The following PPP3CC variants were observed in gnomAD, a reference collection of about 807,000 sequenced individuals.
PPP3CC encodes serine/threonine-protein phosphatase 2B catalytic subunit gamma isoform.
A neutral mutation model predicts 60.3 loss-of-function variants in PPP3CC; 35 were observed. The observed-to-expected ratio is 0.58, with a 90% CI of 0.44 to 0.77. PPP3CC has a LOEUF of 0.77. Among genes scored for constraint, PPP3CC ranks in the 30% least tolerant of loss-of-function variants. PPP3CC has a pLI of 0.00. For synonymous variants in PPP3CC, 206 were observed against 224.3 expected, an observed-to-expected ratio of 0.92 and a Z score of 0.73; for missense variants, 570 against 628.9, an observed-to-expected ratio of 0.91 and a Z score of 1.00.
chr8:22,457,266 A>G lies in PPP3CC; in HGVS notation c.49+15808A>G, dbSNP rs964755897. ...TAGAGTGCTGCTGTAACAAACACCT[A>G]AAAGTGTGGAAGTGGCTTTGGAACT... On this transcript the variant is annotated intron_variant, in intron 1 of 13. Coordinates refer to ENST00000240139, the MANE Select transcript of PPP3CC (RefSeq NM_005605.5). Among the ~76,000 whole-genome samples the G allele has an allele frequency of 3.3e-5, 5 of 151,450 alleles. 1 individual carries two copies. The South Asian group carries it at 1.0e-3, about 32-fold the overall frequency.
chr8:22,518,887 A>G (rs904554744), intron 6 of PPP3CC, among the ~76,000 whole-genome samples: 5 of 152,158 alleles, frequency 3.3e-5, no homozygotes, highest in African/African-American at 1.2e-4. Flanking sequence ...GAGTTTCACC[A>G]TGTTGGCCAG....
intron 3 of PPP3CC, among the ~76,000 whole-genome samples, chr8:22,487,350 G>A (rs998703483): frequency 2.6e-5 from 4 of 152,100 alleles, no homozygotes; most frequent in Non-Finnish European, 4.4e-5. Context: ...CTGGCTGGGC[G>A]CCCTGGCTCA....
At chr8:22,489,734 TATAATAAG>T (rs1341304108) in intron 3 of PPP3CC, among the ~76,000 whole-genome samples, 3 of 47,766 alleles carry the variant, frequency 6.3e-5, no homozygotes, top group Admixed American at 2.2e-4. Flanking sequence ...ATATTATATA[TATAATAAG>T]TATATATTAT....
chr8:22,481,238 G>A lies in PPP3CC; in HGVS notation c.372+5614G>A, dbSNP rs141483157. On this transcript the variant is annotated intron_variant, in intron 3 of 13. Coordinates refer to ENST00000240139, the MANE Select transcript of PPP3CC (RefSeq NM_005605.5). ...TAATTCCAGCTACTTGGGAGGCTGA[G>A]GCAGGAGAATCACTTGAACCTGGGA... is the stretch of plus-strand genomic sequence containing the variant. 3.4e-3 allele frequency among the ~76,000 whole-genome samples: 519 copies of A among 152,148 alleles called. 4 individuals are homozygous for A. The highest frequency in any genetic ancestry group is 0.012 in the African/African-American group (493 of 41,516).
intron 3 of PPP3CC, 152 bp from the exon 4 acceptor site, chr8:22,497,849 G>C (rs1838636005): frequency 1.9e-6 from 1 of 537,182 alleles, no homozygotes; most frequent in Non-Finnish European, 3.3e-6. Flanking sequence ...AAATTCTAGG[G>C]CAATAAGTAT....
chr8:22,517,178 C>G (rs936767380), intron 6 of PPP3CC, among the ~76,000 whole-genome samples: 1 of 152,186 alleles, frequency 6.6e-6, no homozygotes, highest in Non-Finnish European at 1.5e-5. Flanking sequence ...TGAGGCTGAA[C>G]AAAGTGATAC....
chr8:22,519,658 T>C (rs1839351160), intron 6 of PPP3CC, among the ~76,000 whole-genome samples: 1 of 152,010 alleles, frequency 6.6e-6, no homozygotes, highest in African/African-American at 2.4e-5. Context: ...TAATTTCAGG[T>C]TTTACTTTAT....
At chr8:22,529,611 G>A (rs372765042) in intron 10 of PPP3CC, among the ~76,000 whole-genome samples, 1 of 152,110 alleles carries the variant, frequency 6.6e-6, no homozygotes, top group Non-Finnish European at 1.5e-5. Flanking sequence ...AGCCTCACGA[G>A]TAGCTGGGAT....
At chr8:22,528,664 G>A in intron 10 of PPP3CC, 87 bp downstream of exon 10, 1 of 994,248 alleles carries the variant, frequency 1.0e-6, no homozygotes. Flanking sequence ...GATTTTCTTT[G>A]TCTTATTAAA....
chr8:22,516,511 A>C (rs1839248216), intron 6 of PPP3CC, among the ~76,000 whole-genome samples: 1 of 152,174 alleles, frequency 6.6e-6, no homozygotes, highest in South Asian at 2.1e-4. Flanking sequence ...CATATTTGTG[A>C]ATTCCCCCAC....
At chr8:22,459,404 G>A (rs1411705499) in intron 1 of PPP3CC, among the ~76,000 whole-genome samples, 1 of 152,036 alleles carries the variant, frequency 6.6e-6, no homozygotes, top group Non-Finnish European at 1.5e-5. Flanking sequence ...TGTAAGATTA[G>A]AGTAGATTCA....
chr8:22,461,827 G>A (rs1837370442), intron 1 of PPP3CC, among the ~76,000 whole-genome samples: 2 of 152,224 alleles, frequency 1.3e-5, no homozygotes, highest in Non-Finnish European at 1.5e-5. Flanking sequence ...TGTAATTTGA[G>A]TGAGTTGCTG....
At position 22,441,339 on chromosome 8, in the gene PPP3CC, G is replaced by T; in HGVS notation, c.-71G>T. The T allele has an allele frequency of 1.4e-6, 2 of 1,471,734 alleles. No homozygotes were observed. Among genetic ancestry groups the T allele is most frequent in the South Asian group, 1.3e-5 (1 of 79,198 alleles). The allele number at this position is 1,471,734 out of a possible 1,614,324, so 91.2% of individuals were successfully genotyped here. A position where few individuals can be genotyped will look rare whatever the true frequency, so the allele number is the denominator to read the frequency against. On this transcript the variant is annotated 5_prime_UTR_variant, in exon 1 of 14. Transcript: ENST00000240139. ...CTCCGGGCAGCTAAGGCTGCCCGAGGAGAAGGCGGCGGCCGCGGCGTAGGC... is the reference window on the plus strand; with the variant it reads ...CTCCGGGCAGCTAAGGCTGCCCGAGTAGAAGGCGGCGGCCGCGGCGTAGGC...
chr8:22,481,061 G>T (rs532218692), intron 3 of PPP3CC, among the ~76,000 whole-genome samples: 4 of 152,142 alleles, frequency 2.6e-5, no homozygotes, highest in Non-Finnish European at 1.5e-5. Context: ...TTGGCTGTGC[G>T]CAGTGGCTCA....
Position 22,477,577 on chromosome 8 carries a change from G to A in PPP3CC, c.372+1953G>A, listed in dbSNP as rs117193715. 1.3e-4 allele frequency among the ~76,000 whole-genome samples: 20 copies of A among 152,206 alleles called. No homozygotes were observed. In the East Asian group the frequency reaches 3.5e-3, roughly 26 times the overall value. On this transcript the variant is annotated intron_variant, in intron 3 of 13. Coordinates refer to ENST00000240139, the MANE Select transcript of PPP3CC (RefSeq NM_005605.5). ...TGCTAGCATGAGAAGGTTTCAGACG[G>A]TAAAGATTAGAAGAATACAAAAATT...
chr8:22,448,928 T>C (rs1031047779), intron 1 of PPP3CC, among the ~76,000 whole-genome samples: 1 of 152,168 alleles, frequency 6.6e-6, no homozygotes, highest in African/African-American at 2.4e-5. Context: ...ACTTTTTAAA[T>C]AGATTTCAGT....
intron 1 of PPP3CC, among the ~76,000 whole-genome samples, chr8:22,448,070 A>G (rs756084012): frequency 3.9e-5 from 6 of 152,246 alleles, no homozygotes; most frequent in Non-Finnish European, 7.3e-5. Context: ...GTAATTACCT[A>G]TGTAACATTC....
chr8:22,469,648 A>T (rs1220500170), intron 1 of PPP3CC, among the ~76,000 whole-genome samples: 1 of 152,104 alleles, frequency 6.6e-6, no homozygotes, highest in Non-Finnish European at 1.5e-5. Flanking sequence ...CGAAGAGGCC[A>T]CATGTGGGTA....
At chr8:22,502,926 C>G (rs1296392663) in intron 4 of PPP3CC, among the ~76,000 whole-genome samples, 1 of 151,974 alleles carries the variant, frequency 6.6e-6, no homozygotes, top group Non-Finnish European at 1.5e-5. Context: ...ACATGTTGCC[C>G]AGGCTAATCT....
Sources: allele counts gnomAD v4.1 joint callset (sites outside exome capture counted in the v4.1 genomes callset), GRCh38; gene constraint gnomAD v4.1.1; transcripts MANE v1.5; gene names NCBI Gene and HGNC (gene_info 2026-07-23, HGNC 2026-07-21).